The following LHFPL6 variants were observed in gnomAD, a reference collection of about 807,000 sequenced individuals.
LHFPL6 encodes LHFPL tetraspan subfamily member 6 protein.
A neutral mutation model predicts 20.6 loss-of-function variants in LHFPL6; 9 were observed. The observed-to-expected ratio is 0.44, with a 90% CI of 0.26 to 0.76. The LOEUF (loss-of-function observed/expected upper bound fraction) is 0.76, where lower values mean the gene tolerates loss of function less well. Ranked by LOEUF, LHFPL6 falls within the 30% of genes least tolerant of loss-of-function variation. LHFPL6 has a pLI of 0.20. For missense variants in LHFPL6, 218 were observed against 253.5 expected, an observed-to-expected ratio of 0.86 and a Z score of 0.95; for synonymous variants, 105 against 98.7, an observed-to-expected ratio of 1.06 and a Z score of -0.38.
chr13:39,429,381 C>T (rs1338582120), intron 2 of LHFPL6, among the ~76,000 whole-genome samples: 4 of 152,118 alleles, frequency 2.6e-5, no homozygotes, highest in African/African-American at 9.7e-5. Flanking sequence ...ACAAAATCTT[C>T]CTGATAACAA....
intron 2 of LHFPL6, among the ~76,000 whole-genome samples, chr13:39,400,047 C>T (rs1462757100): frequency 1.3e-5 from 2 of 151,944 alleles, no homozygotes; most frequent in Non-Finnish European, 1.5e-5. Flanking sequence ...GAGCCAAGAT[C>T]GCACCACTGC....
chr13:39,565,345 CATTTT>C (rs1871677684), intron 2 of LHFPL6, among the ~76,000 whole-genome samples: 1 of 151,616 alleles, frequency 6.6e-6, no homozygotes, highest in African/African-American at 2.4e-5. Flanking sequence ...TTTTAAATTT[CATTTT>C]GTGTTCAAGT....
intron 2 of LHFPL6, among the ~76,000 whole-genome samples, chr13:39,413,745 T>C (rs138653445): frequency 6.6e-6 from 1 of 152,330 alleles, no homozygotes; most frequent in East Asian, 1.9e-4. Flanking sequence ...GGAATTTTCA[T>C]AAGCTGAAGA....
chr13:39,461,436 T>A (rs751337992), intron 2 of LHFPL6, among the ~76,000 whole-genome samples: 2 of 152,234 alleles, frequency 1.3e-5, no homozygotes, highest in Admixed American at 6.5e-5. Context: ...GTGGCTGAAC[T>A]AATCTCCATT....
intron 2 of LHFPL6, among the ~76,000 whole-genome samples, chr13:39,431,718 G>T (rs1406889779): frequency 3.2e-4 from 11 of 34,150 alleles, no homozygotes; most frequent in Admixed American, 9.8e-4. Context: ...TAGAATTTGT[G>T]GGGGGGGGGG....
intron 2 of LHFPL6, among the ~76,000 whole-genome samples, chr13:39,497,155 C>T (rs1869127660): frequency 1.3e-5 from 2 of 152,116 alleles, no homozygotes; most frequent in Admixed American, 1.3e-4. Context: ...TAAGCCAACC[C>T]CCACTTATTA....
At chr13:39,380,516 T>G (rs1489358897) in intron 2 of LHFPL6, among the ~76,000 whole-genome samples, 4 of 151,362 alleles carry the variant, frequency 2.6e-5, no homozygotes, top group Non-Finnish European at 4.4e-5. Flanking sequence ...ATCAGTTTTT[T>G]TTTTTTTTTT....
intron 2 of LHFPL6, among the ~76,000 whole-genome samples, chr13:39,409,576 C>CT (rs1871203574): frequency 1.3e-5 from 2 of 152,204 alleles, no homozygotes; most frequent in Non-Finnish European, 2.9e-5. Context: ...GTTTCAGGGA[C>CT]TTATATGTCT....
At chr13:39,435,614 G>T (rs773732132) in intron 2 of LHFPL6, among the ~76,000 whole-genome samples, 11 of 152,150 alleles carry the variant, frequency 7.2e-5, no homozygotes, top group Non-Finnish European at 1.5e-4. Context: ...TGCAAGACAG[G>T]ATGGTGGATT....
chr13:39,362,125 C>G (rs1869889952), intron 3 of LHFPL6, among the ~76,000 whole-genome samples: 1 of 152,200 alleles, frequency 6.6e-6, no homozygotes, highest in African/African-American at 2.4e-5. Flanking sequence ...TGTCCCTGCT[C>G]AAATCTCATG....
intron 2 of LHFPL6, among the ~76,000 whole-genome samples, chr13:39,584,479 A>G (rs1387974190): frequency 6.7e-6 from 1 of 148,946 alleles, no homozygotes; most frequent in Non-Finnish European, 1.5e-5. Context: ...GTGAGCTGAG[A>G]GCGCCATTGC....
chr13:39,384,410 T>C (rs538306971), intron 2 of LHFPL6, among the ~76,000 whole-genome samples: 1 of 152,320 alleles, frequency 6.6e-6, no homozygotes, highest in South Asian at 2.1e-4. Context: ...AGTATTTTGT[T>C]GTCTATACTG....
chr13:39,569,009 G>A (rs1057030525), intron 2 of LHFPL6, among the ~76,000 whole-genome samples: 2 of 152,142 alleles, frequency 1.3e-5, no homozygotes, highest in African/African-American at 4.8e-5. Flanking sequence ...ATTACTGCTT[G>A]GAAATTGAAA....
chr13:39,521,873 G>C (rs988382114), intron 2 of LHFPL6, among the ~76,000 whole-genome samples: 21 of 152,112 alleles, frequency 1.4e-4, no homozygotes, highest in African/African-American at 4.8e-4. Flanking sequence ...CAAAAAGAGA[G>C]CTTGTGACCA....
At chr13:39,456,745 T>C (rs1271411397) in intron 2 of LHFPL6, among the ~76,000 whole-genome samples, 1 of 151,792 alleles carries the variant, frequency 6.6e-6, no homozygotes, top group Admixed American at 6.6e-5. Context: ...AGAGCTAAAA[T>C]GTTAGAAGAA....
intron 2 of LHFPL6, among the ~76,000 whole-genome samples, chr13:39,524,284 G>A (rs1379358289): frequency 1.3e-5 from 2 of 151,264 alleles, no homozygotes; most frequent in African/African-American, 2.4e-5. Flanking sequence ...AATCAGCAGG[G>A]TTTTGGGGGT....
chr13:39,458,726 T>G (rs1593320496), intron 2 of LHFPL6, among the ~76,000 whole-genome samples: 1 of 142,194 alleles, frequency 7.0e-6, no homozygotes, highest in Admixed American at 7.0e-5. Context: ...AGAGTCCAAG[T>G]CAGACACCAG....
intron 2 of LHFPL6, among the ~76,000 whole-genome samples, chr13:39,456,788 A>G (rs1872580731): frequency 6.6e-6 from 1 of 152,060 alleles, no homozygotes; most frequent in South Asian, 2.1e-4. Context: ...ATATTGAATT[A>G]GACAAAGATT....
intron 2 of LHFPL6, among the ~76,000 whole-genome samples, chr13:39,415,595 G>A (rs910925351): frequency 2.0e-5 from 3 of 152,146 alleles, no homozygotes; most frequent in Non-Finnish European, 4.4e-5. Context: ...GAAGCATCCC[G>A]GTGCCCCACC....
Sources: gnomAD v4.1 joint callset for allele counts (sites outside exome capture counted in the v4.1 genomes callset) on GRCh38, gnomAD v4.1.1 for gene constraint, MANE v1.5 for transcripts, NCBI Gene and HGNC (gene_info 2026-07-23, HGNC 2026-07-21) for gene names.